The following MRPL50 variants were observed in gnomAD, a reference collection of about 807,000 sequenced individuals.
MRPL50 encodes the protein mitochondrial ribosomal protein L50.
A neutral mutation model predicts 16.2 loss-of-function variants in MRPL50; 10 were observed. That is an observed-to-expected ratio of 0.62 (90% confidence interval 0.38 to 1.05). MRPL50 has a LOEUF of 1.05. MRPL50 is among the 50% of genes least tolerant of loss of function. MRPL50 has a pLI of 0.01. For synonymous variants in MRPL50, 68 were observed against 66.8 expected (o/e 1.02, Z -0.09); for missense variants, 213 against 187.1 (o/e 1.14, Z -0.81).
Position 101,389,508 on chromosome 9 carries a change from A to C in MRPL50, c.*958T>G. On this transcript the variant is annotated 3_prime_UTR_variant, in exon 2 of 2. Coordinates refer to ENST00000374865, the MANE Select transcript of MRPL50 (RefSeq NM_019051.3). Reference sequence around the variant, plus strand: ...TAACCCTGGGAAAGAGAATAAATGCAACTTATTTTGTTAAAAACCCTTCTA... The same window carrying C: ...TAACCCTGGGAAAGAGAATAAATGCCACTTATTTTGTTAAAAACCCTTCTA... 1.6e-6 allele frequency: 2 copies of C among 1,280,834 alleles called. No homozygotes were observed. The highest frequency in any genetic ancestry group is 2.0e-6 in the Non-Finnish European group (2 of 982,000). 79.3% of individuals were successfully genotyped at this position (1,280,834 alleles called of 1,614,324 possible). A position where few individuals can be genotyped will look rare whatever the true frequency, so the allele number is the denominator to read the frequency against.
chr9:101,395,669 G>A (rs1360338540), intron 1 of MRPL50, among the ~76,000 whole-genome samples: 2 of 149,860 alleles, frequency 1.3e-5, no homozygotes, highest in Non-Finnish European at 3.0e-5. Flanking sequence ...GGTGCAGAAA[G>A]ACAGATATCG....
rs1439220111 is a variant in MRPL50 at position 101,389,118 on chromosome 9, ATAAC to A, written c.*1344_*1347del. 8 of 153,446 alleles carry A rather than the reference ATAAC, an allele frequency of 5.2e-5. No individual in the cohort carries two copies. The highest frequency in any genetic ancestry group is 1.7e-4 in the African/African-American group (7 of 41,582). 9.5% of individuals were successfully genotyped at this position (153,446 alleles called of 1,614,324 possible). On this transcript the variant is annotated 3_prime_UTR_variant, in exon 2 of 2. Transcript: ENST00000374865. Reference sequence around the variant, plus strand: ...ATAACTTTAAAATTTACATATTTACATAACTAAATACATTGTATTCACAATTGTA... The same window carrying A: ...ATAACTTTAAAATTTACATATTTACATAAATACATTGTATTCACAATTGTA...
rs141572487 is a variant in MRPL50 at position 101,390,677 on chromosome 9, A to G, written c.266T>C (p.Ile89Thr). 2 of 1,458,956 alleles carry G rather than the reference A, an allele frequency of 1.4e-6. No homozygotes were observed. The highest frequency in any genetic ancestry group is 1.8e-6 in the Non-Finnish European group (2 of 1,081,386). The allele number at this position is 1,458,956 out of a possible 1,614,324, so 90.4% of individuals were successfully genotyped here. Residue 89 changes from isoleucine to threonine, a missense_variant, in exon 2 of 2, where the codon ATC (isoleucine) becomes ACC (threonine). Coordinates refer to ENST00000374865, the MANE Select transcript of MRPL50 (RefSeq NM_019051.3). ...GSSLPSNWQD[I>T]SLEDSRLKFN... is the part of the protein sequence containing the mutation. ...CTTTAGACGACTATCTTCCAGGGAG[A>G]TGTCTTGCCAATTACTAGGAAGAGA...
In MRPL50 at chr9:101,389,434, A is replaced by G; in HGVS notation, c.*1032T>C. 1.6e-6 allele frequency: 2 copies of G among 1,280,974 alleles called. No homozygotes were observed. The highest frequency in any genetic ancestry group is 2.0e-6 in the Non-Finnish European group (2 of 981,614). The allele number at this position is 1,280,974 out of a possible 1,614,324, so 79.4% of individuals were successfully genotyped here. ...TACTGTTAACTAATTTTCTTCATGA[A>G]GATTCCAGAATTTATATTCCCAACT... On this transcript the variant is annotated 3_prime_UTR_variant, in exon 2 of 2. Coordinates refer to ENST00000374865, the MANE Select transcript of MRPL50 (RefSeq NM_019051.3).
chr9:101,393,990 C>CAAAAAAAAAAAAAAAAA (rs76598460), intron 1 of MRPL50, among the ~76,000 whole-genome samples: 5 of 66,480 alleles, frequency 7.5e-5, no homozygotes, highest in Non-Finnish European at 1.3e-4. Flanking sequence ...TAATGCTAAG[C>CAAAAAAAAAAAAAAAAA]AAAAAAAAAA....
Position 101,389,783 on chromosome 9 carries a change from A to G in MRPL50, c.*683T>C, listed in dbSNP as rs1830245151. 2.4e-5 allele frequency: 5 copies of G among 211,836 alleles called. No individual in the cohort carries two copies. In the South Asian group the frequency reaches 4.2e-4, roughly 18 times the overall value. 13.1% of individuals were successfully genotyped at this position (211,836 alleles called of 1,614,324 possible). The stretch of plus-strand genomic sequence containing the variant: ...GTTATAGAGAAAAAGGTTTAAAATA[A>G]GCATCATCTCCTCTGAAGAGAATAT... On this transcript the variant is annotated 3_prime_UTR_variant, in exon 2 of 2. Transcript: ENST00000374865.
intron 1 of MRPL50, among the ~76,000 whole-genome samples, chr9:101,394,469 C>T (rs1195347388): frequency 6.6e-6 from 1 of 152,162 alleles, no homozygotes; most frequent in Non-Finnish European, 1.5e-5. Flanking sequence ...TCTAACCCAA[C>T]CAATCAACAC....
rs575446554 is a variant in MRPL50 at position 101,388,931 on chromosome 9, T to C, written c.*1535A>G. The C allele has an allele frequency of 6.6e-6, 1 of 152,310 alleles. No individual in the cohort carries two copies. The highest frequency in any genetic ancestry group is 1.9e-4 in the East Asian group (1 of 5,184). The allele number at this position is 152,310 out of a possible 1,614,324, so 9.4% of individuals were successfully genotyped here. On this transcript the variant is annotated 3_prime_UTR_variant, in exon 2 of 2. Coordinates refer to ENST00000374865, the MANE Select transcript of MRPL50 (RefSeq NM_019051.3). Reference sequence around the variant, plus strand: ...ATAGCTACTTACATTGTATTCACAATTGTGAAAGCTATTTACATTGTATTC... The same window carrying C: ...ATAGCTACTTACATTGTATTCACAACTGTGAAAGCTATTTACATTGTATTC...
Position 101,390,040 on chromosome 9 carries a change from GTTTC to G in MRPL50, c.*422_*425del. 1.1e-6 allele frequency: 1 copy of G among 947,322 alleles called. No individual in the cohort carries two copies. The highest frequency in any genetic ancestry group is 1.3e-6 in the Non-Finnish European group (1 of 794,176). The allele number at this position is 947,322 out of a possible 1,614,324, so 58.7% of individuals were successfully genotyped here. On this transcript the variant is annotated 3_prime_UTR_variant, in exon 2 of 2. Coordinates refer to ENST00000374865, the MANE Select transcript of MRPL50 (RefSeq NM_019051.3). Reference sequence around the variant, plus strand: ...TCAGTAATACACAACATACTTTTATGTTTCTTTTATAGGTATCTATCTAATAAAA... The same window carrying G: ...TCAGTAATACACAACATACTTTTATGTTTTATAGGTATCTATCTAATAAAA...
At position 101,388,966 on chromosome 9, in the gene MRPL50, A is replaced by C. The variant is rs1249315324; in HGVS notation, c.*1500T>G. 2 of 149,712 alleles carry C rather than the reference A, an allele frequency of 1.3e-5. No homozygotes were observed. The highest frequency in any genetic ancestry group is 3.0e-5 in the Non-Finnish European group (2 of 66,840). The allele number at this position is 149,712 out of a possible 1,614,324, so 9.3% of individuals were successfully genotyped here. On this transcript the variant is annotated 3_prime_UTR_variant, in exon 2 of 2. Transcript: ENST00000374865. ...TATTTACATTGTATTCACAATTGTG[A>C]ATACTATTTACATTCACAACTATAA...
chr9:101,397,021 C>T (rs149637485), intron 1 of MRPL50, among the ~76,000 whole-genome samples: 14 of 152,108 alleles, frequency 9.2e-5, no homozygotes, highest in African/African-American at 3.1e-4. Context: ...AATGAAGAGA[C>T]GTTGGACAAA....
chr9:101,390,175 G>C lies in MRPL50; in HGVS notation c.*291C>G. The C allele has an allele frequency of 9.0e-7, 1 of 1,113,112 alleles. No individual in the cohort carries two copies. The highest frequency in any genetic ancestry group is 1.1e-6 in the Non-Finnish European group (1 of 911,192). 69.0% of individuals were successfully genotyped at this position (1,113,112 alleles called of 1,614,324 possible). A position where few individuals can be genotyped will look rare whatever the true frequency, so the allele number is the denominator to read the frequency against. ...TTATGCTTATGAAAGGTGTGAACTT[G>C]CAATGTCCTCCTGTCTTAAACCCAA... On this transcript the variant is annotated 3_prime_UTR_variant, in exon 2 of 2. Transcript: ENST00000374865.
intron 1 of MRPL50, among the ~76,000 whole-genome samples, chr9:101,397,937 T>C (rs1588150890): frequency 6.6e-6 from 1 of 152,250 alleles, no homozygotes; most frequent in African/African-American, 2.4e-5. Flanking sequence ...TTAACTTGCT[T>C]TGTGACTTTG....
Position 101,390,773 on chromosome 9 carries a change from C to A in MRPL50, c.170G>T (p.Ser57Ile). 6.2e-7 allele frequency: 1 copy of A among 1,613,576 alleles called. No individual in the cohort carries two copies. Among genetic ancestry groups the A allele is most frequent in the Non-Finnish European group, 8.5e-7 (1 of 1,179,642 alleles). ...EPILVCPPLRSRAYTPPEDLQ... is the reference protein window; with the variant it reads ...EPILVCPPLRIRAYTPPEDLQ... ...ATCTTCAGGTGGTGTGTATGCTCGG[C>A]TTCGTAAAGGTGGACACACTAGGAT... is the stretch of plus-strand genomic sequence containing the variant. The change falls in exon 2 of 2, where the codon AGC becomes ATC. Residue 57 changes from serine to isoleucine, a missense_variant. Physicochemically the swap from Ser to Ile is moderately radical, Grantham distance 142. Coordinates refer to ENST00000374865, the MANE Select transcript of MRPL50 (RefSeq NM_019051.3).
intron 1 of MRPL50, among the ~76,000 whole-genome samples, chr9:101,397,384 T>C (rs921480363): frequency 3.5e-4 from 53 of 152,182 alleles, no homozygotes; most frequent in African/African-American, 1.3e-3. Context: ...ATATCTTAAA[T>C]ATATAAAATT....
intron 1 of MRPL50, among the ~76,000 whole-genome samples, chr9:101,395,978 G>A (rs764724787): frequency 2.0e-5 from 3 of 152,220 alleles, no homozygotes; most frequent in Admixed American, 6.5e-5. Flanking sequence ...GATAAATAAC[G>A]TGATGGATAC....
chr9:101,397,878 G>C (rs1291065126), intron 1 of MRPL50, among the ~76,000 whole-genome samples: 1 of 152,188 alleles, frequency 6.6e-6, no homozygotes, highest in African/African-American at 2.4e-5. Flanking sequence ...AGCAGAAAAA[G>C]CAGTAGATGG....
At chr9:101,393,085 T>C (rs1025218269) in intron 1 of MRPL50, among the ~76,000 whole-genome samples, 7 of 152,096 alleles carry the variant, frequency 4.6e-5, no homozygotes, top group Admixed American at 1.3e-4. Context: ...ATCACATTGA[T>C]AGAATCAAGA....
Position 101,391,314 on chromosome 9 carries a change from G to A in MRPL50, c.93-464C>T, listed in dbSNP as rs1210218820. Reference sequence around the variant, plus strand: ...CACCTATGGAAATCTTGCTTATTCTGTAAGTCTTAGGATAAAATTGTTCTC... The same window carrying A: ...CACCTATGGAAATCTTGCTTATTCTATAAGTCTTAGGATAAAATTGTTCTC... On this transcript the variant is annotated intron_variant, in intron 1 of 1. Transcript: ENST00000374865. Among the ~76,000 whole-genome samples the A allele has an allele frequency of 2.0e-5, 3 of 152,006 alleles. No homozygotes were observed. The East Asian group carries it at 5.8e-4, about 29-fold the overall frequency.
Sources: allele counts gnomAD v4.1 joint callset (sites outside exome capture counted in the v4.1 genomes callset), GRCh38; gene constraint gnomAD v4.1.1; transcripts MANE v1.5; gene names NCBI Gene and HGNC (gene_info 2026-07-23, HGNC 2026-07-21).